CFAP65: variants seen among roughly 807,000 people sequenced by gnomAD.
CFAP65 encodes cilia and flagella associated protein 65.
In CFAP65, 155 loss-of-function variants were observed where a neutral mutation model predicts 208.0. The ratio of observed to expected loss-of-function variants is 0.75; its 90% CI spans 0.65 to 0.85. The LOEUF (loss-of-function observed/expected upper bound fraction) is 0.85. Ranked by LOEUF, CFAP65 falls within the 40% of genes least tolerant of loss-of-function variation. CFAP65 has a pLI of 0.00. For synonymous variants in CFAP65, 970 were observed against 986.3 expected (o/e 0.98, Z 0.31); for missense variants, 2,294 against 2,451.3 (o/e 0.94, Z 1.36).
Position 219,010,968 on chromosome 2 carries a change from A to C in CFAP65, c.3986T>G (p.Val1329Gly), listed in dbSNP as rs761152691. ...GGTCTGGACCTCATATGTCACGGGCACTGAGCCACCATTATACAGCTCATA... is the reference window on the plus strand; with the variant it reads ...GGTCTGGACCTCATATGTCACGGGCCCTGAGCCACCATTATACAGCTCATA... ...QIYELYNGGS[V>G]PVTYEVQTDV... The change falls in exon 25 of 35, where the codon GTG becomes GGG. Residue 1329 changes from valine (V) to glycine (G), a missense_variant. By Grantham distance (109) the Val-to-Gly change is moderately radical. Transcript: ENST00000341552. 3.1e-6 allele frequency: 5 copies of C among 1,613,164 alleles called. No individual in the cohort carries two copies. In the Admixed American group the frequency reaches 8.3e-5, roughly 27 times the overall value.
Position 219,023,787 on chromosome 2 carries a change from C to T in CFAP65, c.2595+228G>A, listed in dbSNP as rs114501821. On this transcript the variant is annotated intron_variant, in intron 15 of 34. Coordinates refer to ENST00000341552, the MANE Select transcript of CFAP65 (RefSeq NM_194302.4). ...ATCCTTCCTCTGGGTTCTCTGCACC[C>T]TCTTTCTTGGCCTCAGACCCCATAA... Among the ~76,000 whole-genome samples the T allele has an allele frequency of 0.019, 2,916 of 152,300 alleles. 108 individuals are homozygous for T. The highest frequency in any genetic ancestry group is 0.066 in the African/African-American group (2,724 of 41,550).
In CFAP65 at chr2:219,024,125, C is replaced by G. The variant is rs1410839825; in HGVS notation, c.2485G>C (p.Val829Leu). ...ATGATCTGGTGGGCCCCGGGTGCCA[C>G]AAGGCCCGAAGTGGGCCGAAGGATG... ...DVILRPTSGL[V>L]APGAHQIILI... Residue 829 changes from valine (V) to leucine (L), a missense_variant, in exon 15 of 35, where the codon GTG becomes CTG. Val to Leu is a conservative substitution (Grantham distance 32, BLOSUM62 1). Coordinates refer to ENST00000341552, the MANE Select transcript of CFAP65 (RefSeq NM_194302.4). 7 of 1,614,074 alleles carry G rather than the reference C, an allele frequency of 4.3e-6. No individual in the cohort carries two copies. The highest frequency in any genetic ancestry group is 5.9e-6 in the Non-Finnish European group (7 of 1,180,034).
chr2:219,024,393 C>G, intron 14 of CFAP65, 133 bp from the exon 15 acceptor site: 2 of 1,092,764 alleles, frequency 1.8e-6, no homozygotes, highest in Non-Finnish European at 2.5e-6. Flanking sequence ...GCCCAGTCAA[C>G]GCCCTGGGAA....
intron 2 of CFAP65, 83 bp downstream of exon 2, chr2:219,040,436 A>T: frequency 1.3e-6 from 1 of 790,204 alleles, no homozygotes; most frequent in Non-Finnish European, 2.2e-6. Context: ...ATCTAGATTC[A>T]GTCGTTCGTT....
chr2:219,019,742 C>T (rs73090806), intron 19 of CFAP65, 23 bp from the exon 20 acceptor site: 1 of 1,604,754 alleles, frequency 6.2e-7, no homozygotes, highest in East Asian at 2.2e-5. Flanking sequence ...GTGAGGAAGA[C>T]AGAAGTGGGC....
chr2:219,004,292 C>G lies in CFAP65; in HGVS notation c.5215G>C (p.Glu1739Gln), dbSNP rs1345164607. 1 of 1,614,178 alleles carries G rather than the reference C, an allele frequency of 6.2e-7. No homozygotes were observed. Among genetic ancestry groups the G allele is most frequent in the Non-Finnish European group, 8.5e-7 (1 of 1,180,046 alleles). ...TTCGGCTGCTTGCCCTTCCCATCCT[C>G]CCAGCTGCTGGAGGGTACAGGCAGG... ...PILPVPSSSW[E>Q]DGKGKQPKED... The change falls in exon 33 of 35, where the codon GAG (glutamate) becomes CAG (glutamine). Residue 1739 changes from glutamate to glutamine, a missense_variant. By Grantham distance (29) the Glu-to-Gln change is conservative. This residue lies in a region of CFAP65 where 1,427 missense variants were observed against 1,438.7 expected (regional missense o/e 0.99). Coordinates refer to ENST00000341552, the MANE Select transcript of CFAP65 (RefSeq NM_194302.4). The surrounding 1 kb of genome is among the most constrained non-coding windows in gnomAD (Gnocchi z 4.7).
intron 13 of CFAP65, chr2:219,026,702 A>T (rs757960943): frequency 1.2e-6 from 1 of 822,698 alleles, no homozygotes; most frequent in Non-Finnish European, 1.5e-6. Context: ...GCACGTCTCA[A>T]TTGGGACCAG....
chr2:219,012,847 A>C (rs1574549054), intron 24 of CFAP65, among the ~76,000 whole-genome samples: 1 of 152,370 alleles, frequency 6.6e-6, no homozygotes, highest in African/African-American at 2.4e-5. Flanking sequence ...AATAGAACAA[A>C]AAAGAAAATA....
chr2:219,035,290 ACACTATAC>A (rs776707968), intron 5 of CFAP65, 182 bp downstream of exon 5: 1 of 1,494,108 alleles, frequency 6.7e-7, no homozygotes, highest in South Asian at 1.4e-5. Flanking sequence ...ACACATTGGG[ACACTATAC>A]CACAATGAAA....
At chr2:219,030,285 A>G (rs1947930580) in intron 9 of CFAP65, 77 bp from the exon 10 acceptor site, 1 of 1,470,266 alleles carries the variant, frequency 6.8e-7, no homozygotes, top group Non-Finnish European at 9.5e-7. Flanking sequence ...TACGCATTGT[A>G]CTGGCGTGCC....
At chr2:219,030,858 T>TG in intron 8 of CFAP65, 24 bp from the exon 9 acceptor site, 2 of 1,607,798 alleles carry the variant, frequency 1.2e-6, no homozygotes, top group Non-Finnish European at 8.5e-7. Context: ...GGGGGAGTCT[T>TG]GGGGGAACCC....
In CFAP65 at chr2:219,028,246, C is replaced by A. The variant is rs542898279; in HGVS notation, c.1806G>T (p.Lys602Asn). The change falls in exon 12 of 35, where the codon AAG becomes AAT. Residue 602 changes from lysine (K) to asparagine (N), a missense_variant. By Grantham distance (94) the Lys-to-Asn change is moderately conservative. This residue lies in a region of CFAP65 where 867 missense variants were observed against 1,012.6 expected (regional missense o/e 0.86). Coordinates refer to ENST00000341552, the MANE Select transcript of CFAP65 (RefSeq NM_194302.4). ...PDILDAMLKE[K>N]KLAQDQNGAL... ...CCCCGTTCTGGTCCTGTGCCAGCTT[C>A]TTCTCCTTCAGCATGGCATCCAGGA... The A allele has an allele frequency of 2.5e-6, 4 of 1,614,102 alleles. No homozygotes were observed. In the African/African-American group the frequency reaches 5.3e-5, roughly 22 times the overall value.
Position 219,027,630 on chromosome 2 carries a change from C to T in CFAP65, c.2211+20G>A, listed in dbSNP as rs1947717863. 1.2e-6 allele frequency: 2 copies of T among 1,613,626 alleles called. No homozygotes were observed. The highest frequency in any genetic ancestry group is 1.7e-6 in the Non-Finnish European group (2 of 1,180,042). On this transcript the variant is annotated intron_variant, in intron 13 of 34. Coordinates refer to ENST00000341552, the MANE Select transcript of CFAP65 (RefSeq NM_194302.4). ...CCTAGCAGAGACCCCGCATTCCTCC[C>T]TCTCATTGCGTGCACACACCTTATA...
chr2:219,021,956 G>C (rs1175193810), intron 17 of CFAP65, 26 bp from the exon 18 acceptor site: 1 of 1,611,844 alleles, frequency 6.2e-7, no homozygotes, highest in African/African-American at 1.3e-5. Context: ...AGCCAGCCGG[G>C]AGTGGGAGCT....
chr2:219,004,206 C>T lies in CFAP65; in HGVS notation c.5301G>A (p.Lys1767=). Residue 1767 remains lysine, a synonymous_variant, in exon 33 of 35, where the codon AAG becomes AAA. Transcript: ENST00000341552. This position sits in a 1 kb window ranked among gnomAD's most constrained non-coding sequence, Gnocchi z 4.7. ...CCAACTCTTCTTCTTCCTCTTCACC[C>T]TTCTCCTCCTCCCCCTCTTCCTTCT... ...LGKKEEGEEE[K]GEEEEEELEE... 5 of 1,613,998 alleles carry T rather than the reference C, an allele frequency of 3.1e-6. No individual in the cohort carries two copies. Among genetic ancestry groups the T allele is most frequent in the Non-Finnish European group, 4.2e-6 (5 of 1,180,028 alleles).
rs538080749 is a variant in CFAP65, at chr2:219,004,089, T to C, written c.5418A>G (p.Glu1806=). 31 of 1,613,934 alleles carry C rather than the reference T, an allele frequency of 1.9e-5. No individual in the cohort carries two copies. The South Asian group carries it at 3.4e-4, about 18-fold the overall frequency. Residue 1806 remains glutamate, a synonymous_variant, in exon 33 of 35, where the codon GAA becomes GAG. Transcript: ENST00000341552. This position sits in a 1 kb window ranked among gnomAD's most constrained non-coding sequence, Gnocchi z 4.7. ...CGATGCCCGCCCAGCTCACTTTCTC[T>C]TCCTTCTCATCCCTCTCCTCCTCCT... The part of the protein sequence containing the change: ...EEKEEERDEK[E]EKVSWAGIGP...
At chr2:219,017,797 A>G (rs555034166) in intron 21 of CFAP65, among the ~76,000 whole-genome samples, 56 of 152,310 alleles carry the variant, frequency 3.7e-4, no homozygotes, top group African/African-American at 1.3e-3. Context: ...GGAGCCCTGT[A>G]GGGCCTGGCT....
rs192367842 is a variant in CFAP65, at chr2:219,019,358, C to T, written c.3473+148G>A. 6.7e-5 allele frequency: 70 copies of T among 1,045,972 alleles called. No homozygotes were observed. The African/African-American group carries it at 1.0e-3, about 15-fold the overall frequency. 64.8% of individuals were successfully genotyped at this position (1,045,972 alleles called of 1,614,324 possible). ...GCCAATTCTTCCCTTCCCTGGGCCC[C>T]TCCAGGGATGGGCGAGAACTGGGGA... On this transcript the variant is annotated intron_variant, in intron 20 of 34. Transcript: ENST00000341552.
chr2:219,029,329 C>T (rs1947859401), intron 11 of CFAP65, 74 bp downstream of exon 11: 5 of 1,543,606 alleles, frequency 3.2e-6, no homozygotes, highest in African/African-American at 1.4e-5. Flanking sequence ...GAAGTGCCCA[C>T]CAAGCCTTGT....
Sources: allele counts gnomAD v4.1 joint callset (sites outside exome capture counted in the v4.1 genomes callset), GRCh38; gene constraint gnomAD v4.1.1; regional missense constraint gnomAD v4.1.1; non-coding constraint Gnocchi (gnomAD v3.1); transcripts MANE v1.5; gene names NCBI Gene and HGNC (gene_info 2026-07-23, HGNC 2026-07-21).